The following PDXDC1 variants were observed in gnomAD, a reference collection of about 807,000 sequenced individuals.
PDXDC1 encodes the protein pyridoxal dependent decarboxylase domain containing 1, also known as pyridoxal-dependent decarboxylase domain-containing protein 1.
PDXDC1 carries 42 observed loss-of-function variants against 100.1 expected under a neutral mutation model. That is an observed-to-expected ratio of 0.42 (90% CI 0.33 to 0.54). The LOEUF (loss-of-function observed/expected upper bound fraction) is 0.54, where lower values mean the gene tolerates loss of function less well. Among genes scored for constraint, PDXDC1 ranks in the 20% least tolerant of loss-of-function variants. The probability of loss-of-function intolerance (pLI) is 0.10; values close to 1 mark genes in which losing one functional copy is unlikely to be tolerated. For synonymous variants in PDXDC1, 260 were observed against 371.7 expected, an observed-to-expected ratio of 0.70 and a Z score of 3.46; for missense variants, 636 against 979.2, an observed-to-expected ratio of 0.65 and a Z score of 4.68.
intron 16 of PDXDC1, among the ~76,000 whole-genome samples, chr16:15,054,333 C>G (rs1372009425): frequency 6.6e-6 from 1 of 152,222 alleles, no homozygotes; most frequent in East Asian, 1.9e-4. Flanking sequence ...AACCTTCCTT[C>G]GAGAGAAGCA....
intron 8 of PDXDC1, among the ~76,000 whole-genome samples, chr16:15,014,486 T>C (rs2041631427): frequency 6.6e-6 from 1 of 152,278 alleles, no homozygotes; most frequent in African/African-American, 2.4e-5. Context: ...AACACAGCAG[T>C]ACGCTTTTAT....
chr16:14,975,798 A>ACCGCCCCGCTCCCACT (rs1199156179), intron 1 of PDXDC1, among the ~76,000 whole-genome samples: 1 of 152,284 alleles, frequency 6.6e-6, no homozygotes, highest in African/African-American at 2.4e-5. Flanking sequence ...TTTAACCGCC[A>ACCGCCCCGCTCCCACT]CCGCCCCGCT....
chr16:15,038,594 C>T (rs1467436745), downstream of PDXDC1: 1 of 1,597,062 alleles, frequency 6.3e-7, no homozygotes, highest in African/African-American at 1.3e-5. Context: ...TGCTTGTCAT[C>T]TTGGTGCAAC....
At chr16:14,981,297 C>G (rs1967923565) in intron 1 of PDXDC1, among the ~76,000 whole-genome samples, 1 of 152,268 alleles carries the variant, frequency 6.6e-6, no homozygotes, top group Non-Finnish European at 1.5e-5. Context: ...TGATCGCTCC[C>G]TAACAATCCC....
rs2043568860 is a variant in PDXDC1, at chr16:15,037,770, G to C, written c.*1495G>C. The C allele has an allele frequency of 5.6e-6, 2 of 354,188 alleles. No individual in the cohort carries two copies. Among genetic ancestry groups the C allele is most frequent in the Non-Finnish European group, 1.0e-5 (2 of 198,452 alleles). 21.9% of individuals were successfully genotyped at this position (354,188 alleles called of 1,614,324 possible). A position where few individuals can be genotyped will look rare whatever the true frequency, so the allele number is the denominator to read the frequency against. Reference sequence around the variant, plus strand: ...GCTGCCGATAGACCAGTGAGAGGTAGGTTCTCCTCTGCCCGTTATTACCGA... The same window carrying C: ...GCTGCCGATAGACCAGTGAGAGGTACGTTCTCCTCTGCCCGTTATTACCGA... On this transcript the variant is annotated 3_prime_UTR_variant, in exon 23 of 23. Transcript: ENST00000396410.
At chr16:15,034,976 G>A (rs1379841066) in intron 21 of PDXDC1, among the ~76,000 whole-genome samples, 1 of 152,214 alleles carries the variant, frequency 6.6e-6, no homozygotes, top group Non-Finnish European at 1.5e-5. Context: ...GAACCAGGCA[G>A]CCAGCAAGCG....
At chr16:15,069,551 G>C (rs1567193322) in intron 16 of PDXDC1, among the ~76,000 whole-genome samples, 1 of 152,202 alleles carries the variant, frequency 6.6e-6, no homozygotes, top group Non-Finnish European at 1.5e-5. Flanking sequence ...TAAGTCTCAA[G>C]GCTTCAGGCA....
chr16:15,095,573 C>G (rs1365288051), intron 16 of PDXDC1, among the ~76,000 whole-genome samples: 2 of 152,026 alleles, frequency 1.3e-5, no homozygotes, highest in African/African-American at 4.8e-5. Flanking sequence ...ATGTATGGGC[C>G]CGGCGCAGTG....
chr16:15,101,629 G>A (rs528280243), intron 16 of PDXDC1, among the ~76,000 whole-genome samples: 18 of 149,564 alleles, frequency 1.2e-4, no homozygotes, highest in Admixed American at 2.7e-4. Context: ...TCAAGAGGCT[G>A]AGGCAGGGGA....
At chr16:15,150,464 A>C in the PDXDC1 span, among the ~76,000 whole-genome samples, 1 of 151,598 alleles carries the variant, frequency 6.6e-6, no homozygotes, top group Non-Finnish European at 1.5e-5. Flanking sequence ...CAAGAGTTCA[A>C]GACCAGCCTG....
chr16:15,071,852 C>T (rs1419864752), intron 16 of PDXDC1, among the ~76,000 whole-genome samples: 1 of 152,144 alleles, frequency 6.6e-6, no homozygotes, highest in Non-Finnish European at 1.5e-5. Flanking sequence ...TTGGAATCCA[C>T]ATATTACAAA....
At chr16:15,042,489 C>T (rs148451471), downstream of PDXDC1, among the ~76,000 whole-genome samples, 335 of 152,174 alleles carry the variant, frequency 2.2e-3, 3 homozygotes, top group Non-Finnish European at 2.4e-3. Context: ...TGCGCCCAGT[C>T]GACAATTTTA....
At chr16:15,135,743 A>G in intron 16 of PDXDC1, 1 of 1,596,222 alleles carries the variant, frequency 6.3e-7, no homozygotes, top group Non-Finnish European at 8.6e-7. Flanking sequence ...ATCCAGCACC[A>G]GGTCCTGTGT....
chr16:15,104,823 AAC>A lies in PDXDC1; in HGVS notation c.1400-34052_1400-34051del, dbSNP rs1207116097. On this transcript the variant is annotated intron_variant, in intron 16 of 16. Transcript: ENST00000535621. ...TTTGATGGACAAAATTACCGCCACC[AAC>A]ACAGTCTGCACCTTCTGTTGCTGGT... 29 of 1,522,338 alleles carry A rather than the reference AAC, an allele frequency of 1.9e-5. No individual in the cohort carries two copies. In the South Asian group the frequency reaches 3.1e-4, roughly 16 times the overall value. The allele number at this position is 1,522,338 out of a possible 1,614,324, so 94.3% of individuals were successfully genotyped here.
At chr16:15,083,497 T>C in intron 16 of PDXDC1, 2 of 1,608,574 alleles carry the variant, frequency 1.2e-6, no homozygotes, top group Non-Finnish European at 1.7e-6. Context: ...ATGTTCTCAA[T>C]GAAAAGATTT....
intron 16 of PDXDC1, among the ~76,000 whole-genome samples, chr16:15,082,036 C>CAT: frequency 6.6e-6 from 1 of 152,316 alleles, no homozygotes; most frequent in African/African-American, 2.4e-5. Flanking sequence ...CTTAGAATGA[C>CAT]ATATAAAATC....
At chr16:15,130,624 G>A (rs773788465) in intron 16 of PDXDC1, 133 of 1,356,564 alleles carry the variant, frequency 9.8e-5, no homozygotes, top group African/African-American at 2.5e-4. Flanking sequence ...AGGCCGGCCC[G>A]CAGAGCTCAC....
intron 16 of PDXDC1, chr16:15,104,244 A>G (rs1319711546): frequency 3.1e-6 from 4 of 1,292,684 alleles, no homozygotes; most frequent in Non-Finnish European, 3.1e-6. Flanking sequence ...CCTACGATTA[A>G]AAACCTCAGG....
chr16:15,099,442 AAAG>A (rs1208489820), intron 16 of PDXDC1, among the ~76,000 whole-genome samples: 5 of 151,468 alleles, frequency 3.3e-5, no homozygotes, highest in Non-Finnish European at 7.4e-5. Flanking sequence ...AAAAAAAAAA[AAAG>A]GAGAAAAAGA....
Sources: allele counts gnomAD v4.1 joint callset (sites outside exome capture counted in the v4.1 genomes callset), GRCh38; gene constraint gnomAD v4.1.1; transcripts MANE v1.5; gene names NCBI Gene and HGNC (gene_info 2026-07-23, HGNC 2026-07-21).